GYG2: variants seen among roughly 807,000 people sequenced by gnomAD.
The protein encoded by GYG2 is glycogenin 2.
A neutral mutation model predicts 29.4 loss-of-function variants in GYG2; 29 were observed. The ratio of observed to expected loss-of-function variants is 0.99; its 90% confidence interval spans 0.74 to 1.35. The LOEUF (loss-of-function observed/expected upper bound fraction) is 1.35. Ranked by LOEUF, GYG2 falls within the 40% of genes most tolerant of loss-of-function variation. The pLI is 0.00. For missense variants in GYG2, 370 were observed against 385.7 expected, an observed-to-expected ratio of 0.96 and a Z score of 0.34; for synonymous variants, 167 against 172.3, an observed-to-expected ratio of 0.97 and a Z score of 0.24.
At chrX:2,843,084 A>C (rs1395452547) in intron 2 of GYG2, 129 bp from the exon 3 acceptor site, 1 of 583,915 alleles carries the variant, frequency 1.7e-6, no homozygotes, top group East Asian at 3.5e-5. Flanking sequence ...AAGTGCTGGA[A>C]TGACAGGTGT....
rs753911365 is a variant in GYG2, at chrX:2,876,989, C to T, written c.1144-211C>T. ...ATAAAGATGAGGTCTTGCTATTTTG[C>T]CGAGGCTGGTCTCGAACTCCTGGGC... On this transcript the variant is annotated intron_variant, in intron 9 of 10. Transcript: ENST00000398806. 1.5e-4 allele frequency among the ~76,000 whole-genome samples: 17 copies of T among 110,106 alleles called. 1 individual carries two copies. In the South Asian group the frequency reaches 6.0e-3, roughly 39 times the overall value.
intron 3 of GYG2, among the ~76,000 whole-genome samples, chrX:2,846,056 T>TATATATATATATATA (rs1491432509): frequency 1.4e-3 from 14 of 9,721 alleles, no homozygotes; most frequent in South Asian, 0.016. Context: ...TATATATATA[T>TATATATATATATATA]TTTTTTTTTT....
rs758159284 is a variant in GYG2 at position 2,877,224 on chromosome X, G to A, written c.1168G>A (p.Val390Ile). The A allele has an allele frequency of 3.1e-5, 38 of 1,206,579 alleles. No homozygotes were observed. The South Asian group carries it at 5.3e-4, about 17-fold the overall frequency. The change falls in exon 10 of 11, where the codon GTC (valine) becomes ATC (isoleucine). Residue 390 changes from valine to isoleucine, a missense_variant. Coordinates refer to ENST00000398806, the MANE Select transcript of GYG2 (RefSeq NM_001079855.2). ...GCAGCCAGCAAATAAAGTCGAAAGTGTCTCATCCGAGGAAACCTTCGAACC... is the reference window on the plus strand; with the variant it reads ...GCAGCCAGCAAATAAAGTCGAAAGTATCTCATCCGAGGAAACCTTCGAACC... ...ILQPANKVES[V>I]SSEETFEPSQ...
At chrX:2,834,349 A>G (rs754159553) in intron 2 of GYG2, among the ~76,000 whole-genome samples, 9 of 110,561 alleles carry the variant, frequency 8.1e-5, no homozygotes. Flanking sequence ...ATGAGAGCGC[A>G]GAGGTATGCC....
chrX:2,844,399 G>A (rs1262474759), intron 3 of GYG2, among the ~76,000 whole-genome samples: 2 of 111,025 alleles, frequency 1.8e-5, no homozygotes, highest in Non-Finnish European at 3.8e-5. Flanking sequence ...CAACTACAGT[G>A]GTACAAGACA....
At chrX:2,876,915 C>T (rs1009941055) in intron 9 of GYG2, among the ~76,000 whole-genome samples, 3 of 110,642 alleles carry the variant, frequency 2.7e-5, no homozygotes, top group Admixed American at 9.6e-5. Context: ...CGTCACTGCA[C>T]TCCAGCCTGG....
chrX:2,854,566 T>C (rs2087937135), intron 4 of GYG2, among the ~76,000 whole-genome samples: 1 of 111,599 alleles, frequency 9.0e-6, no homozygotes, highest in Non-Finnish European at 1.9e-5. Flanking sequence ...GAACAGGGGA[T>C]TGGAAGACAT....
chrX:2,868,230 G>A lies in GYG2; in HGVS notation c.1038+6508G>A, dbSNP rs147916651. On this transcript the variant is annotated intron_variant, in intron 8 of 10. Transcript: ENST00000398806. ...TCTAACCAAAAAGGTATTTTGGGCC[G>A]GGCACGGTGGCTCACACCTGTAATC... 6.9e-3 allele frequency among the ~76,000 whole-genome samples: 755 copies of A among 110,114 alleles called. 6 individuals are homozygous for A. Among genetic ancestry groups the A allele is most frequent in the African/African-American group, 0.024 (725 of 30,302 alleles).
chrX:2,838,863 C>T (rs1282028997), intron 2 of GYG2, among the ~76,000 whole-genome samples: 2 of 111,825 alleles, frequency 1.8e-5, no homozygotes, highest in Non-Finnish European at 3.8e-5. Context: ...TCCCTCTCCC[C>T]CTGATCTTTT....
intron 8 of GYG2, among the ~76,000 whole-genome samples, chrX:2,872,387 TAA>T (rs35557796): frequency 0.13 from 14,783 of 111,870 alleles, 794 homozygotes; most frequent in South Asian, 0.29. Flanking sequence ...TTTTTACTAG[TAA>T]AAATAATGGC....
intron 3 of GYG2, among the ~76,000 whole-genome samples, chrX:2,847,466 A>G (rs1193256764): frequency 9.6e-6 from 1 of 104,606 alleles, no homozygotes; most frequent in African/African-American, 3.5e-5. Context: ...AAGCAGGTGG[A>G]TCACTTGAGG....
intron 5 of GYG2, 95 bp downstream of exon 5, chrX:2,855,250 C>A (rs987547484): frequency 1.6e-5 from 12 of 751,347 alleles, no homozygotes; most frequent in Middle Eastern, 4.5e-4. Flanking sequence ...TACAGTCACA[C>A]CTCGCTCAGC....
intron 2 of GYG2, 158 bp from the exon 3 acceptor site, chrX:2,843,055 C>G: frequency 3.8e-6 from 2 of 526,479 alleles, no homozygotes; most frequent in Non-Finnish European, 3.4e-6. Context: ...TCAAGCAATT[C>G]ACCCACCTCA....
At chrX:2,878,057 T>C in intron 10 of GYG2, 1 of 746,345 alleles carries the variant, frequency 1.3e-6, no homozygotes, top group African/African-American at 2.3e-5. Context: ...TTGAACTTAA[T>C]TTCTAGAGCT....
rs200541016 is a variant in GYG2, at chrX:2,854,038, G to A, written c.208G>A (p.Asp70Asn). 2.3e-5 allele frequency: 27 copies of A among 1,195,025 alleles called. 1 individual carries two copies. Among genetic ancestry groups the A allele is most frequent in the Non-Finnish European group, 9.1e-6 (8 of 881,710 alleles). Residue 70 changes from aspartate to asparagine, a missense_variant, in exon 4 of 11, where the codon GAC becomes AAC. Coordinates refer to ENST00000398806, the MANE Select transcript of GYG2 (RefSeq NM_001079855.2). The part of the protein sequence containing the change: ...VIEVNLIDSA[D>N]YIHLAFLKRP... ...TGAAGTGAATCTAATCGATAGTGCC[G>A]ACTACATCCACCTGGCCTTTCTGAA...
chrX:2,830,945 T>A (rs1349645839), intron 2 of GYG2, among the ~76,000 whole-genome samples: 7 of 111,261 alleles, frequency 6.3e-5, no homozygotes, highest in Admixed American at 1.9e-4. Context: ...AAAATAAGAA[T>A]CCAGGTTAAT....
intron 8 of GYG2, among the ~76,000 whole-genome samples, chrX:2,874,828 G>A (rs1478437657): frequency 4.5e-5 from 5 of 111,954 alleles, no homozygotes; most frequent in Admixed American, 1.9e-4. Context: ...CATGGCCTGC[G>A]GGTCTGCATT....
chrX:2,865,598 G>A, intron 8 of GYG2, among the ~76,000 whole-genome samples: 1 of 111,456 alleles, frequency 9.0e-6, no homozygotes, highest in Non-Finnish European at 1.9e-5. Flanking sequence ...GGCTTCTGAG[G>A]AAAGCTCATG....
intron 2 of GYG2, among the ~76,000 whole-genome samples, chrX:2,838,229 T>G (rs2087420150): frequency 1.8e-5 from 2 of 110,893 alleles, no homozygotes; most frequent in Admixed American, 1.9e-4. Context: ...TTAGATATGG[T>G]GGTTTGTTTT....
Sources: gnomAD v4.1 joint callset for allele counts (sites outside exome capture counted in the v4.1 genomes callset) on GRCh38, gnomAD v4.1.1 for gene constraint, MANE v1.5 for transcripts, NCBI Gene and HGNC (gene_info 2026-07-23, HGNC 2026-07-21) for gene names.